The following GRID2 variants were observed in gnomAD, a reference collection of about 807,000 sequenced individuals.
GRID2 encodes glutamate receptor ionotropic, delta-2.
GRID2 carries 33 observed loss-of-function variants against 114.8 expected under a neutral mutation model. That is an observed-to-expected ratio of 0.29 (90% CI 0.22 to 0.38). The LOEUF (loss-of-function observed/expected upper bound fraction) is 0.38, where lower values mean the gene tolerates loss of function less well. Among genes scored for constraint, GRID2 ranks in the 10% least tolerant of loss-of-function variants. GRID2 has a pLI of 1.00. For synonymous variants in GRID2, 505 were observed against 449.9 expected, an observed-to-expected ratio of 1.12 and a Z score of -1.55; for missense variants, 1,184 against 1,257.7, an observed-to-expected ratio of 0.94 and a Z score of 0.89.
chr4:93,368,939 C>T lies in GRID2; in HGVS notation c.1246-26668C>T, dbSNP rs542940332. 4.6e-5 allele frequency among the ~76,000 whole-genome samples: 7 copies of T among 152,044 alleles called. No homozygotes were observed. In the East Asian group the frequency reaches 9.6e-4, roughly 21 times the overall value. On this transcript the variant is annotated intron_variant, in intron 8 of 15. Transcript: ENST00000282020. ...AGAGAGAAAGTTTTAGTTATTGATT[C>T]AACATGTATTTATTGAATACCTTAA...
At chr4:93,291,091 A>G (rs1271054925) in intron 8 of GRID2, among the ~76,000 whole-genome samples, 3 of 151,908 alleles carry the variant, frequency 2.0e-5, no homozygotes, top group Non-Finnish European at 4.4e-5. Context: ...GTTAGCCAGG[A>G]TGGTCTCGAT....
At chr4:92,511,515 A>G (rs903763850) in intron 1 of GRID2, among the ~76,000 whole-genome samples, 1 of 151,918 alleles carries the variant, frequency 6.6e-6, no homozygotes, top group Non-Finnish European at 1.5e-5. Flanking sequence ...CATCTAAACT[A>G]TAAATACAAA....
chr4:92,748,519 C>T (rs1470355168), intron 2 of GRID2, among the ~76,000 whole-genome samples: 21 of 152,038 alleles, frequency 1.4e-4, no homozygotes, highest in Admixed American at 1.4e-3. Context: ...AGCCCTCATA[C>T]TTTCACAGTA....
intron 8 of GRID2, among the ~76,000 whole-genome samples, chr4:93,265,048 G>A (rs1254593827): frequency 1.3e-5 from 2 of 151,582 alleles, no homozygotes; most frequent in East Asian, 3.9e-4. Flanking sequence ...CCCAAAGTGC[G>A]GGGATTACAG....
chr4:93,049,483 A>G (rs1726485230), intron 2 of GRID2, among the ~76,000 whole-genome samples: 1 of 151,930 alleles, frequency 6.6e-6, no homozygotes, highest in Admixed American at 6.6e-5. Context: ...CATTAGTTTA[A>G]ACTTAACAAA....
At chr4:93,266,009 C>T (rs1351243611) in intron 8 of GRID2, among the ~76,000 whole-genome samples, 1 of 152,122 alleles carries the variant, frequency 6.6e-6, no homozygotes, top group African/African-American at 2.4e-5. Context: ...GCTCAGGGAG[C>T]AAGGTGGGAA....
At chr4:93,716,120 A>G (rs1728879049) in intron 14 of GRID2, among the ~76,000 whole-genome samples, 1 of 152,136 alleles carries the variant, frequency 6.6e-6, no homozygotes, top group South Asian at 2.1e-4. Flanking sequence ...GCTGCATATA[A>G]TTCTGCTTAC....
At chr4:93,267,162 ATTTC>A (rs1750932920) in intron 8 of GRID2, among the ~76,000 whole-genome samples, 1 of 122,632 alleles carries the variant, frequency 8.2e-6, no homozygotes, top group South Asian at 2.5e-4. Context: ...TAGTACACAC[ATTTC>A]TTTTTTTTTT....
chr4:92,651,282 G>A (rs1731918161), intron 2 of GRID2, among the ~76,000 whole-genome samples: 1 of 152,038 alleles, frequency 6.6e-6, no homozygotes, highest in South Asian at 2.1e-4. Context: ...GGGGAATGGT[G>A]CCACATCAGG....
chr4:93,122,897 T>TTGTTTTG (rs1330005076), intron 4 of GRID2, among the ~76,000 whole-genome samples: 3 of 147,806 alleles, frequency 2.0e-5, no homozygotes, highest in East Asian at 2.1e-4. Context: ...TGGGTTTTTT[T>TTGTTTTG]TTTTTTTTTT....
chr4:93,269,340 ACT>A (rs1751183995), intron 8 of GRID2, among the ~76,000 whole-genome samples: 1 of 152,200 alleles, frequency 6.6e-6, no homozygotes, highest in African/African-American at 2.4e-5. Flanking sequence ...ACAGAAAATC[ACT>A]GTCCTAATGT....
chr4:92,942,552 G>A (rs1315893406), intron 2 of GRID2, among the ~76,000 whole-genome samples: 1 of 152,136 alleles, frequency 6.6e-6, no homozygotes, highest in Non-Finnish European at 1.5e-5. Context: ...TTTAATTGGA[G>A]CATTTATCCC....
intron 13 of GRID2, among the ~76,000 whole-genome samples, chr4:93,597,962 G>A (rs1739266322): frequency 6.6e-6 from 1 of 152,026 alleles, no homozygotes; most frequent in African/African-American, 2.4e-5. Flanking sequence ...CTTTCTGTTA[G>A]ATAGCCCTGA....
chr4:93,567,042 G>T (rs185293977), intron 13 of GRID2, among the ~76,000 whole-genome samples: 1 of 152,196 alleles, frequency 6.6e-6, no homozygotes, highest in East Asian at 1.9e-4. Context: ...ACACTCTTTT[G>T]CCCCCTTCTC....
At chr4:92,684,162 A>T (rs752107879) in intron 2 of GRID2, among the ~76,000 whole-genome samples, 1 of 152,066 alleles carries the variant, frequency 6.6e-6, no homozygotes, top group Non-Finnish European at 1.5e-5. Flanking sequence ...TATGTAATTT[A>T]TACTATCATA....
intron 14 of GRID2, among the ~76,000 whole-genome samples, chr4:93,747,383 C>T (rs1731932207): frequency 6.6e-6 from 1 of 152,102 alleles, no homozygotes; most frequent in Non-Finnish European, 1.5e-5. Context: ...TTATCTCAGC[C>T]ATAATGTTAC....
At chr4:92,822,488 G>A in intron 2 of GRID2, 1 of 430,834 alleles carries the variant, frequency 2.3e-6, no homozygotes, top group Non-Finnish European at 4.5e-6. Context: ...TACTCTGAGT[G>A]GCTCTCCACC....
At chr4:92,918,881 A>C (rs150764970) in intron 2 of GRID2, among the ~76,000 whole-genome samples, 1 of 152,074 alleles carries the variant, frequency 6.6e-6, no homozygotes, top group Non-Finnish European at 1.5e-5. Context: ...GAGTTAGGGA[A>C]GATTCCCTCT....
chr4:93,398,851 A>G (rs1765609738), intron 9 of GRID2, among the ~76,000 whole-genome samples: 1 of 151,056 alleles, frequency 6.6e-6, no homozygotes, highest in African/African-American at 2.4e-5. Flanking sequence ...ATATACAATC[A>G]TTGTGTTTAA....
Sources: gnomAD v4.1 joint callset for allele counts (sites outside exome capture counted in the v4.1 genomes callset) on GRCh38, gnomAD v4.1.1 for gene constraint, MANE v1.5 for transcripts, NCBI Gene and HGNC (gene_info 2026-07-23, HGNC 2026-07-21) for gene names.